Variants in POT1 observed in about 807,000 individuals in gnomAD.
The protein encoded by POT1 is protection of telomeres 1.
A neutral mutation model predicts 78.5 loss-of-function variants in POT1; 47 were observed. The observed-to-expected ratio is 0.60, with a 90% CI of 0.47 to 0.76. The LOEUF (loss-of-function observed/expected upper bound fraction) is 0.76, where lower values mean the gene tolerates loss of function less well. Ranked by LOEUF, POT1 falls within the 30% of genes least tolerant of loss-of-function variation. The pLI is 0.00. For synonymous variants in POT1, 259 were observed against 260.7 expected, an observed-to-expected ratio of 0.99 and a Z score of 0.06; for missense variants, 646 against 749.9, an observed-to-expected ratio of 0.86 and a Z score of 1.62.
At chr7:124,868,045 A>G (rs1795774495) in intron 7 of POT1, among the ~76,000 whole-genome samples, 1 of 152,224 alleles carries the variant, frequency 6.6e-6, no homozygotes, top group African/African-American at 2.4e-5. Flanking sequence ...TACAATAAAT[A>G]AATAAATAAA....
intron 14 of POT1, among the ~76,000 whole-genome samples, chr7:124,836,064 TATTTCCTAAA>T (rs1452384508): frequency 6.6e-6 from 1 of 152,224 alleles, no homozygotes; most frequent in Non-Finnish European, 1.5e-5. Context: ...TACCTCTGTG[TATTTCCTAAA>T]ATTTGGGTAG....
intron 2 of POT1, among the ~76,000 whole-genome samples, chr7:124,916,203 A>G (rs1477996466): frequency 1.3e-5 from 2 of 152,184 alleles, no homozygotes; most frequent in Non-Finnish European, 2.9e-5. Flanking sequence ...ATTTAAAAAT[A>G]GATCCTATTA....
At chr7:124,861,877 T>C (rs1795606569) in intron 8 of POT1, among the ~76,000 whole-genome samples, 1 of 152,210 alleles carries the variant, frequency 6.6e-6, no homozygotes, top group Admixed American at 6.5e-5. Context: ...TCCCCATTGC[T>C]TGTTTTTGTC....
chr7:124,856,665 C>T (rs1383944499), intron 9 of POT1, among the ~76,000 whole-genome samples: 1 of 152,044 alleles, frequency 6.6e-6, no homozygotes, highest in Non-Finnish European at 1.5e-5. Context: ...AACAGAAAGA[C>T]CTACATTGGA....
At chr7:124,888,408 A>G (rs1364698255) in intron 6 of POT1, among the ~76,000 whole-genome samples, 1 of 152,036 alleles carries the variant, frequency 6.6e-6, no homozygotes, top group Non-Finnish European at 1.5e-5. Context: ...AGAAGCCTCC[A>G]GGTTTGATCT....
chr7:124,891,480 A>AT (rs1181920057), intron 6 of POT1, among the ~76,000 whole-genome samples: 1 of 151,210 alleles, frequency 6.6e-6, no homozygotes, highest in Admixed American at 6.6e-5. Context: ...CTACTCTATG[A>AT]TTTTTTATTA....
intron 14 of POT1, among the ~76,000 whole-genome samples, chr7:124,836,344 C>A (rs1267887168): frequency 6.6e-6 from 1 of 152,176 alleles, no homozygotes; most frequent in Non-Finnish European, 1.5e-5. Context: ...TTCCCCCAAG[C>A]TCTTTGTTAC....
intron 17 of POT1, among the ~76,000 whole-genome samples, chr7:124,826,949 G>A (rs889815681): frequency 2.0e-5 from 3 of 152,114 alleles, no homozygotes; most frequent in Admixed American, 2.0e-4. Context: ...TAGTGTGGCC[G>A]TATCTCTGCA....
chr7:124,883,333 A>G (rs1433704490), intron 6 of POT1, among the ~76,000 whole-genome samples: 2 of 152,134 alleles, frequency 1.3e-5, no homozygotes, highest in Non-Finnish European at 2.9e-5. Flanking sequence ...GAAAGACTAA[A>G]AAAAAGTTTA....
At chr7:124,925,591 A>C (rs1023851948) in intron 2 of POT1, among the ~76,000 whole-genome samples, 2 of 152,150 alleles carry the variant, frequency 1.3e-5, no homozygotes, top group Non-Finnish European at 2.9e-5. Context: ...TTCTTCACAG[A>C]ATTAGAAAAA....
At chr7:124,860,249 T>C (rs187606715) in intron 8 of POT1, among the ~76,000 whole-genome samples, 1 of 152,166 alleles carries the variant, frequency 6.6e-6, no homozygotes, top group Admixed American at 6.5e-5. Flanking sequence ...AGTGTGTAAA[T>C]GAAACTACAG....
intron 11 of POT1, among the ~76,000 whole-genome samples, chr7:124,847,201 T>C (rs1004370716): frequency 1.3e-5 from 2 of 152,180 alleles, no homozygotes; most frequent in East Asian, 1.9e-4. Context: ...CCTTCGAAAA[T>C]AGCAGAGGCT....
intron 7 of POT1, among the ~76,000 whole-genome samples, chr7:124,869,638 A>G (rs1795819453): frequency 6.6e-6 from 1 of 152,144 alleles, no homozygotes; most frequent in Non-Finnish European, 1.5e-5. Context: ...ACTGGAGTGC[A>G]GTAGCACAAT....
intron 6 of POT1, among the ~76,000 whole-genome samples, chr7:124,872,814 G>A (rs1795903062): frequency 6.6e-6 from 1 of 152,140 alleles, no homozygotes; most frequent in African/African-American, 2.4e-5. Flanking sequence ...CAATACCTGT[G>A]CCACGTACAA....
At chr7:124,826,871 A>AAAAC (rs61096064) in intron 17 of POT1, among the ~76,000 whole-genome samples, 64,113 of 150,316 alleles carry the variant, frequency 0.43, 13,778 homozygotes, top group East Asian at 0.48. Flanking sequence ...TCCATCTCAA[A>AAAAC]AAACAAACAA....
rs1045251800 is a variant in POT1, at chr7:124,825,131, C to G, written c.1792+121G>C. The G allele has an allele frequency of 2.5e-5, 13 of 520,660 alleles. No individual in the cohort carries two copies. In the African/African-American group the frequency reaches 2.5e-4, roughly 10 times the overall value. The allele number at this position is 520,660 out of a possible 1,614,324, so 32.3% of individuals were successfully genotyped here. On this transcript the variant is annotated intron_variant, in intron 18 of 18. Transcript: ENST00000357628. ...AAAGGTTGATCATAGAGTAATCACTCACTACTTAGTAAATCATTTGGAAGC... is the reference window on the plus strand; with the variant it reads ...AAAGGTTGATCATAGAGTAATCACTGACTACTTAGTAAATCATTTGGAAGC...
chr7:124,830,907 C>A (rs4728009), intron 15 of POT1, among the ~76,000 whole-genome samples: 60,629 of 151,924 alleles, frequency 0.4, 12,227 homozygotes, highest in East Asian at 0.5. Flanking sequence ...GTATCTCTAA[C>A]ACGGAAAGAA....
intron 6 of POT1, among the ~76,000 whole-genome samples, chr7:124,876,231 T>C (rs1232096276): frequency 5.3e-5 from 8 of 152,232 alleles, no homozygotes; most frequent in Non-Finnish European, 7.3e-5. Context: ...GAAATAAAAA[T>C]GACTTTGCTA....
rs934099162 is a variant in POT1 at position 124,893,623 on chromosome 7, A to G, written c.10-1243T>C. 3.3e-5 allele frequency among the ~76,000 whole-genome samples: 5 copies of G among 151,528 alleles called. 1 individual carries two copies. The Admixed American group carries it at 3.3e-4, about 10-fold the overall frequency. ...GATGGCTGACTGGAATTTGAGAACGAGTCTGCTGATATCACAGTATGAATT... is the reference window on the plus strand; with the variant it reads ...GATGGCTGACTGGAATTTGAGAACGGGTCTGCTGATATCACAGTATGAATT... On this transcript the variant is annotated intron_variant, in intron 5 of 18. Transcript: ENST00000357628.
Sources: gnomAD v4.1 joint callset for allele counts (sites outside exome capture counted in the v4.1 genomes callset) on GRCh38, gnomAD v4.1.1 for gene constraint, MANE v1.5 for transcripts, NCBI Gene and HGNC (gene_info 2026-07-23, HGNC 2026-07-21) for gene names.